SEC16A: variants seen among roughly 807,000 people sequenced by gnomAD.
The protein encoded by SEC16A is SEC16 homolog A, endoplasmic reticulum export factor.
Under a neutral mutation model 221.9 loss-of-function variants are expected in SEC16A, and 110 were observed. The observed-to-expected ratio is 0.50, with a 90% CI of 0.42 to 0.58. The LOEUF (loss-of-function observed/expected upper bound fraction) is 0.58. Ranked by LOEUF, SEC16A falls within the 20% of genes least tolerant of loss-of-function variation. The pLI is 0.00. For missense variants in SEC16A, 3,165 were observed against 3,097.8 expected, an observed-to-expected ratio of 1.02 and a Z score of -0.52; for synonymous variants, 1,393 against 1,257.7, an observed-to-expected ratio of 1.11 and a Z score of -2.28.
At chr9:136,483,736 C>T (rs1222020780), upstream of SEC16A, 18 of 985,342 alleles carry the variant, frequency 1.8e-5, no homozygotes, top group Non-Finnish European at 2.2e-5. Context: ...AAGCGCGGGG[C>T]CCTGACGCGG....
rs1461232617 is a variant in SEC16A, at chr9:136,447,587, T to C, written c.6541A>G (p.Met2181Val). 1.2e-6 allele frequency: 2 copies of C among 1,613,426 alleles called. No homozygotes were observed. The highest frequency in any genetic ancestry group is 1.1e-5 in the South Asian group (1 of 91,066). ...LPGPPGAPVNMYSRRAAGTRA... is the reference protein window; with the variant it reads ...LPGPPGAPVNVYSRRAAGTRA... ...CCCTTACCTGCTCTTCTAGAGTACA[T>C]GTTCACGGGGGCTCCAGGAGGCCCT... Residue 2181 changes from methionine (M) to valine (V), a missense_variant, in exon 26 of 32, where the codon ATG becomes GTG. By Grantham distance (21) the Met-to-Val change is conservative. This residue lies in a region of SEC16A where 1,088 missense variants were observed against 1,089.6 expected (regional missense o/e 1.00). Coordinates refer to ENST00000684901, the MANE Select transcript of SEC16A (RefSeq NM_014866.2). The surrounding 1 kb of genome is among the most constrained non-coding windows in gnomAD (Gnocchi z 5.5).
chr9:136,482,923 C>A lies in SEC16A; in HGVS notation c.-192+15G>T. 15 of 969,994 alleles carry A rather than the reference C, an allele frequency of 1.5e-5. No homozygotes were observed. Among genetic ancestry groups the A allele is most frequent in the Non-Finnish European group, 1.8e-5 (15 of 815,764 alleles). The allele number at this position is 969,994 out of a possible 1,614,324, so 60.1% of individuals were successfully genotyped here. A position where few individuals can be genotyped will look rare whatever the true frequency, so the allele number is the denominator to read the frequency against. Reference sequence around the variant, plus strand: ...CCTCCCGCGCTCGCCCCCTCACCCGCGCTCGCCCCCTCACCCGCGCGGCTG... The same window carrying A: ...CCTCCCGCGCTCGCCCCCTCACCCGAGCTCGCCCCCTCACCCGCGCGGCTG... On this transcript the variant is annotated intron_variant, in intron 1 of 31. Coordinates refer to ENST00000684901, the MANE Select transcript of SEC16A (RefSeq NM_014866.2).
At chr9:136,481,506 T>C (rs780935787) in intron 1 of SEC16A, among the ~76,000 whole-genome samples, 1 of 152,210 alleles carries the variant, frequency 6.6e-6, no homozygotes, top group Non-Finnish European at 1.5e-5. Flanking sequence ...CAGCTGATCT[T>C]GAAAATGCAG....
rs529760297 is a variant in SEC16A at position 136,455,856 on chromosome 9, C to T, written c.5665-63G>A. The T allele has an allele frequency of 8.5e-5, 125 of 1,465,606 alleles. No homozygotes were observed. In the South Asian group the frequency reaches 1.5e-3, roughly 18 times the overall value. 90.8% of individuals were successfully genotyped at this position (1,465,606 alleles called of 1,614,324 possible). On this transcript the variant is annotated intron_variant, in intron 19 of 31. Coordinates refer to ENST00000684901, the MANE Select transcript of SEC16A (RefSeq NM_014866.2). The stretch of plus-strand genomic sequence containing the variant: ...GTGGCCGCTCTGCAGCGCTGCCCGC[C>T]TGCCACCACCGCGCTTGCTGTGTCC...
At chr9:136,463,439 C>G in intron 11 of SEC16A, 24 bp downstream of exon 11, 4 of 1,609,794 alleles carry the variant, frequency 2.5e-6, no homozygotes, top group East Asian at 4.5e-5. Context: ...AGAAGAAACA[C>G]TCTAGAAGTA....
upstream of SEC16A, chr9:136,483,777 G>C: frequency 2.0e-6 from 2 of 985,464 alleles, no homozygotes; most frequent in Non-Finnish European, 2.4e-6. Context: ...CGTTGGGCTG[G>C]GAGGCTGGAG....
intron 29 of SEC16A, 119 bp from the exon 30 acceptor site, chr9:136,445,230 C>T (rs2131778539): frequency 2.3e-6 from 2 of 854,850 alleles, no homozygotes; most frequent in South Asian, 1.5e-5. Context: ...ATCAACATAA[C>T]TCAAAAGGGA....
In SEC16A at chr9:136,476,600, C is replaced by T. The variant is rs748803555; in HGVS notation, c.1016G>A (p.Arg339Gln). 2.4e-5 allele frequency: 38 copies of T among 1,598,888 alleles called. No individual in the cohort carries two copies. The highest frequency in any genetic ancestry group is 1.7e-4 in the Middle Eastern group (1 of 6,006). Residue 339 changes from arginine (R) to glutamine (Q), a missense_variant, in exon 3 of 32, where the codon CGG (arginine) becomes CAG (glutamine). Coordinates refer to ENST00000684901, the MANE Select transcript of SEC16A (RefSeq NM_014866.2). Reference sequence around the variant, plus strand: ...CGTACGGTTTTCTGGGCTATCTCCCCGGGCGAGGGGGTTCACAAGAGCAGA... The same window carrying T: ...CGTACGGTTTTCTGGGCTATCTCCCTGGGCGAGGGGGTTCACAAGAGCAGA... Reference protein sequence around the residue: ...PASALVNPLARGDSPENRTHH... With the variant: ...PASALVNPLAQGDSPENRTHH...
intron 22 of SEC16A, among the ~76,000 whole-genome samples, chr9:136,452,174 C>T (rs139506789): frequency 0.023 from 3,508 of 151,988 alleles, 171 homozygotes; most frequent in African/African-American, 0.079. Context: ...CCGGGCTGGG[C>T]GGGGTGGCTC....
rs893505208 is a variant in SEC16A, at chr9:136,459,402, T to C, written c.5303+42A>G. On this transcript the variant is annotated intron_variant, in intron 16 of 31. Coordinates refer to ENST00000684901, the MANE Select transcript of SEC16A (RefSeq NM_014866.2). This position sits in a 1 kb window ranked among gnomAD's most constrained non-coding sequence, Gnocchi z 6.1. ...AAAGGAGAAGGATTTTGTTTTACTT[T>C]GAAAGGAAAACTTACAGGACTACAC... The C allele has an allele frequency of 4.0e-6, 6 of 1,507,688 alleles. No individual in the cohort carries two copies. In the Admixed American group the frequency reaches 1.0e-4, roughly 25 times the overall value. 93.4% of individuals were successfully genotyped at this position (1,507,688 alleles called of 1,614,324 possible). A position where few individuals can be genotyped will look rare whatever the true frequency, so the allele number is the denominator to read the frequency against.
In SEC16A at chr9:136,474,308, A is replaced by C; in HGVS notation, c.3308T>G (p.Leu1103Arg). 1 of 1,611,132 alleles carries C rather than the reference A, an allele frequency of 6.2e-7. No individual in the cohort carries two copies. Among genetic ancestry groups the C allele is most frequent in the Non-Finnish European group, 8.5e-7 (1 of 1,178,966 alleles). ...CTGCTGACCCGCGTCGACCAGAACC[A>C]GACTTGCTGGTGACTGTGCTGAGTT... ...AQNSAQSPAS[L>R]VLVDAGQQLP... Residue 1103 changes from leucine (L) to arginine (R), a missense_variant, in exon 3 of 32, where the codon CTG becomes CGG. Leu to Arg is a moderately radical substitution (Grantham distance 102). Around this residue, in one of 3 missense-constraint regions of SEC16A, gnomAD observed 2,030 missense variants for 1,923.1 expected, o/e 1.06. Transcript: ENST00000684901.
At chr9:136,473,381 A>G (rs1841157696) in intron 3 of SEC16A, among the ~76,000 whole-genome samples, 1 of 152,260 alleles carries the variant, frequency 6.6e-6, no homozygotes, top group African/African-American at 2.4e-5. Flanking sequence ...ATGTGTACAC[A>G]GACACTTTTC....
intron 4 of SEC16A, among the ~76,000 whole-genome samples, chr9:136,468,938 C>T (rs1363540246): frequency 6.6e-6 from 1 of 152,322 alleles, no homozygotes; most frequent in South Asian, 2.1e-4. Context: ...CAACCTCCAC[C>T]TCCCAGGCTC....
At chr9:136,446,663 A>G (rs1183220667) in intron 28 of SEC16A, among the ~76,000 whole-genome samples, 192 bp downstream of exon 28, 1 of 152,188 alleles carries the variant, frequency 6.6e-6, no homozygotes, top group Non-Finnish European at 1.5e-5. Context: ...CCGTCTTCCC[A>G]AACAGCTCTG....
chr9:136,477,573 G>A lies in SEC16A; in HGVS notation c.43C>T (p.Pro15Ser), dbSNP rs528913451. ...PQTVPSGMAG[P>S]PPAGNPRSVF... is the part of the protein sequence containing the mutation. ...CTCCGAGGATTCCCGGCTGGAGGTG[G>A]CCCAGCCATGCCAGACGGGACCGTC... The change falls in exon 3 of 32, where the codon CCA becomes TCA. Residue 15 changes from proline (P) to serine (S), a missense_variant. Pro to Ser is a moderately conservative substitution (Grantham distance 74). Coordinates refer to ENST00000684901, the MANE Select transcript of SEC16A (RefSeq NM_014866.2). The A allele has an allele frequency of 1.6e-5, 25 of 1,612,308 alleles. No individual in the cohort carries two copies. In the East Asian group the frequency reaches 4.2e-4, roughly 27 times the overall value.
chr9:136,480,999 A>G (rs1842250995), intron 1 of SEC16A, among the ~76,000 whole-genome samples: 1 of 152,200 alleles, frequency 6.6e-6, no homozygotes, highest in Non-Finnish European at 1.5e-5. Context: ...AGAGCTTTTT[A>G]GCAACATGCC....
intron 2 of SEC16A, among the ~76,000 whole-genome samples, chr9:136,477,896 T>A (rs1051197533): frequency 6.6e-6 from 1 of 152,138 alleles, no homozygotes; most frequent in African/African-American, 2.4e-5. Context: ...GAACCCTGGA[T>A]GGCCTGGCTG....
chr9:136,445,542 T>C (rs1453120413), intron 29 of SEC16A, 103 bp downstream of exon 29: 22 of 852,000 alleles, frequency 2.6e-5, no homozygotes, highest in Non-Finnish European at 3.6e-5. Context: ...CTAAACTGCC[T>C]CTTCCTACCC....
At position 136,476,803 on chromosome 9, in the gene SEC16A, G is replaced by C; in HGVS notation, c.813C>G (p.Pro271=). ...GHEQHSPLVA[P]PAALPSDGRD... ...TTCCGTCACTGGGCAAGGCTGCTGG[G>C]GGAGCCACCAGAGGGCTGTGTTGCT... The change falls in exon 3 of 32, where the codon CCC becomes CCG. Residue 271 remains proline, a synonymous_variant. Transcript: ENST00000684901. The C allele has an allele frequency of 6.2e-7, 1 of 1,611,572 alleles. No homozygotes were observed. Among genetic ancestry groups the C allele is most frequent in the Non-Finnish European group, 8.5e-7 (1 of 1,178,312 alleles).
Sources: gnomAD v4.1 joint callset for allele counts (sites outside exome capture counted in the v4.1 genomes callset) on GRCh38, gnomAD v4.1.1 for gene constraint, gnomAD v4.1.1 regional missense constraint, Gnocchi (gnomAD v3.1) non-coding constraint, MANE v1.5 for transcripts, NCBI Gene and HGNC (gene_info 2026-07-23, HGNC 2026-07-21) for gene names.